Variants in NCOR1 observed in about 807,000 individuals in gnomAD.
NCOR1 encodes nuclear receptor corepressor 1.
In NCOR1, 63 loss-of-function variants were observed where a neutral mutation model predicts 288.1. The observed-to-expected ratio is 0.22, with a 90% CI of 0.18 to 0.27. NCOR1 has a LOEUF of 0.27. Among genes scored for constraint, NCOR1 ranks in the 10% least tolerant of loss-of-function variants. NCOR1 has a pLI of 1.00. For missense variants in NCOR1, 2,397 were observed against 3,019.2 expected (o/e 0.79, Z 4.83); for synonymous variants, 1,007 against 1,065.9 (o/e 0.94, Z 1.08).
At position 16,080,649 on chromosome 17, in the gene NCOR1, T is replaced by G. The variant is rs146584628; in HGVS notation, c.3256A>C (p.Ile1086Leu). Reference protein sequence around the residue: ...QETPKPSVGSISLGLPRQQES... With the variant: ...QETPKPSVGSLSLGLPRQQES... ...TGTTGCCGTGGCAGTCCAAGAGAGA[T>G]AGATCCCACTGACGGCTTGGGTGTT... Residue 1086 changes from isoleucine (I) to leucine (L), a missense_variant, in exon 24 of 46, where the codon ATC becomes CTC. Around this residue, in one of 11 missense-constraint regions of NCOR1, gnomAD observed 1,872 missense variants for 2,187.8 expected, o/e 0.86. Transcript: ENST00000268712. 4 of 1,614,094 alleles carry G rather than the reference T, an allele frequency of 2.5e-6. No homozygotes were observed. Among genetic ancestry groups the G allele is most frequent in the Non-Finnish European group, 3.4e-6 (4 of 1,180,010 alleles).
At chr17:16,080,116 A>C (rs1329340998) in intron 25 of NCOR1, 52 bp from the exon 26 acceptor site, 1 of 1,432,466 alleles carries the variant, frequency 7.0e-7, no homozygotes, top group South Asian at 1.1e-5. Flanking sequence ...CCTGCCCCAA[A>C]ACATAAAAAA....
At chr17:16,051,493 G>A (rs2059303873) in intron 40 of NCOR1, among the ~76,000 whole-genome samples, 1 of 152,186 alleles carries the variant, frequency 6.6e-6, no homozygotes, top group Admixed American at 6.5e-5. Context: ...CACAGCTAAG[G>A]CAGTGTTGAC....
intron 3 of NCOR1, among the ~76,000 whole-genome samples, chr17:16,183,377 G>A (rs1198438586): frequency 6.6e-6 from 1 of 150,574 alleles, no homozygotes; most frequent in Non-Finnish European, 1.5e-5. Flanking sequence ...AAAAAAAACT[G>A]TTAGAATAAA....
intron 1 of NCOR1, among the ~76,000 whole-genome samples, chr17:16,207,027 C>T (rs571302326): frequency 1.3e-5 from 2 of 152,220 alleles, no homozygotes; most frequent in Admixed American, 6.5e-5. Flanking sequence ...TTCCTCCCCC[C>T]CAACAGAATG....
intron 28 of NCOR1, 99 bp from the exon 29 acceptor site, chr17:16,072,327 C>CA: frequency 1.2e-6 from 1 of 833,262 alleles, no homozygotes; most frequent in Non-Finnish European, 1.8e-6. Context: ...TTGATAAATG[C>CA]TCTATGAAGG....
At chr17:16,185,923 C>CT (rs899658544) in intron 3 of NCOR1, among the ~76,000 whole-genome samples, 2 of 151,738 alleles carry the variant, frequency 1.3e-5, no homozygotes, top group Non-Finnish European at 2.9e-5. Flanking sequence ...GGCAACAGAG[C>CT]TAGAAAGATC....
Position 16,114,737 on chromosome 17 carries a change from G to A in NCOR1, c.2055+3151C>T, listed in dbSNP as rs546214576. ...TCCAGGTCGTGCTGATGCAAGAGGTGGGTTCCCACGGTCTTGGGCAGCTCC... is the reference window on the plus strand; with the variant it reads ...TCCAGGTCGTGCTGATGCAAGAGGTAGGTTCCCACGGTCTTGGGCAGCTCC... On this transcript the variant is annotated intron_variant, in intron 18 of 45. Coordinates refer to ENST00000268712, the MANE Select transcript of NCOR1 (RefSeq NM_006311.4). Among the ~76,000 whole-genome samples, 4 of 152,346 alleles carry A rather than the reference G, an allele frequency of 2.6e-5. No individual in the cohort carries two copies. The East Asian group carries it at 7.7e-4, about 29-fold the overall frequency.
Position 16,186,476 on chromosome 17 carries a change from T to C in NCOR1, c.242+78A>G, listed in dbSNP as rs200769630. 1.0e-3 allele frequency: 1,463 copies of C among 1,458,548 alleles called. 8 individuals carry two copies. Among genetic ancestry groups the C allele is most frequent in the Middle Eastern group, 4.6e-3 (25 of 5,396 alleles). 90.4% of individuals were successfully genotyped at this position (1,458,548 alleles called of 1,614,324 possible). A position where few individuals can be genotyped will look rare whatever the true frequency, so the allele number is the denominator to read the frequency against. On this transcript the variant is annotated intron_variant, in intron 3 of 45. Transcript: ENST00000268712. ...CAGTCATGGCTTGGTTAATAAAAAG[T>C]AAAAAAATAAAATAATGACAAACTT...
chr17:16,179,097 C>T (rs1237016599), intron 3 of NCOR1, among the ~76,000 whole-genome samples: 22 of 152,070 alleles, frequency 1.4e-4, no homozygotes, highest in Admixed American at 1.4e-3. Context: ...AGTGAGACTC[C>T]ACCTCAAACA....
At chr17:16,151,415 G>T (rs535986076) in intron 8 of NCOR1, among the ~76,000 whole-genome samples, 1 of 152,114 alleles carries the variant, frequency 6.6e-6, no homozygotes, top group Admixed American at 6.5e-5. Context: ...ACATTAAATG[G>T]CAGAAGGGTC....
intron 20 of NCOR1, 47 bp from the exon 21 acceptor site, chr17:16,098,543 C>G (rs373478193): frequency 8.5e-6 from 13 of 1,532,342 alleles, no homozygotes; most frequent in African/African-American, 1.4e-5. Context: ...ATTTTTAAGA[C>G]TCAAACATAT....
At chr17:16,206,487 G>A (rs1472585058) in intron 1 of NCOR1, among the ~76,000 whole-genome samples, 1 of 152,186 alleles carries the variant, frequency 6.6e-6, no homozygotes, top group Non-Finnish European at 1.5e-5. Flanking sequence ...CCAGTTTCAA[G>A]TGATTCTCCT....
At chr17:16,196,869 T>G (rs890704089) in intron 1 of NCOR1, among the ~76,000 whole-genome samples, 8 of 150,032 alleles carry the variant, frequency 5.3e-5, no homozygotes, top group Admixed American at 5.3e-4. Flanking sequence ...AAAAAATAAT[T>G]AGTCAGGCAT....
At chr17:16,175,519 G>A (rs900185812) in intron 3 of NCOR1, among the ~76,000 whole-genome samples, 26 of 151,870 alleles carry the variant, frequency 1.7e-4, no homozygotes, top group African/African-American at 5.8e-4. Flanking sequence ...TTTATCATTC[G>A]AACTTTAAAG....
intron 3 of NCOR1, among the ~76,000 whole-genome samples, chr17:16,183,839 T>C (rs188060387): frequency 3.3e-5 from 5 of 152,276 alleles, no homozygotes; most frequent in Non-Finnish European, 1.5e-5. Context: ...AAAATTGTAC[T>C]ACCAAGTTAC....
intron 21 of NCOR1, among the ~76,000 whole-genome samples, chr17:16,094,063 A>G (rs904450426): frequency 6.6e-6 from 1 of 151,784 alleles, no homozygotes; most frequent in Non-Finnish European, 1.5e-5. Context: ...ATGCGGAGCT[A>G]ATTTTTTTTT....
Position 16,057,574 on chromosome 17 carries a change from T to G in NCOR1, c.6332A>C (p.His2111Pro). The G allele has an allele frequency of 6.2e-7, 1 of 1,614,176 alleles. No homozygotes were observed. Among genetic ancestry groups the G allele is most frequent in the Non-Finnish European group, 8.5e-7 (1 of 1,180,032 alleles). ...GACCCTTGAACCTGGTCTTTGATGA[T>G]GGACAGACTGAGCCTGGGATTCTGG... ...YSPESQAQSV[H>P]HQRPGSRVSP... Residue 2111 changes from histidine (H) to proline (P), a missense_variant, in exon 40 of 46, where the codon CAT becomes CCT. Transcript: ENST00000268712.
intron 26 of NCOR1, 126 bp from the exon 27 acceptor site, chr17:16,075,828 T>C (rs1188142405): frequency 4.1e-6 from 4 of 970,600 alleles, no homozygotes; most frequent in African/African-American, 3.3e-5. Flanking sequence ...AAAGCACACA[T>C]ACATGAAAGG....
chr17:16,049,759 G>A (rs775292855), intron 40 of NCOR1, among the ~76,000 whole-genome samples: 1 of 151,940 alleles, frequency 6.6e-6, no homozygotes, highest in African/African-American at 2.4e-5. Context: ...GCTAATTTTT[G>A]TATTTTTAGT....
Sources: allele counts gnomAD v4.1 joint callset (sites outside exome capture counted in the v4.1 genomes callset), GRCh38; gene constraint gnomAD v4.1.1; regional missense constraint gnomAD v4.1.1; transcripts MANE v1.5; gene names NCBI Gene and HGNC (gene_info 2026-07-23, HGNC 2026-07-21).